LANCL1: variants seen among roughly 807,000 people sequenced by gnomAD.
LANCL1 encodes glutathione S-transferase LANCL1.
In LANCL1, 50 loss-of-function variants were observed where a neutral mutation model predicts 50.6. That is an observed-to-expected ratio of 0.99 (90% CI 0.79 to 1.25). The LOEUF (loss-of-function observed/expected upper bound fraction) is 1.25. LANCL1 is among the 50% of genes most tolerant of loss of function. The probability of loss-of-function intolerance (pLI) is 0.00; values close to 1 mark genes in which losing one functional copy is unlikely to be tolerated. For missense variants in LANCL1, 532 were observed against 480.7 expected, an observed-to-expected ratio of 1.11 and a Z score of -1.00; for synonymous variants, 188 against 178.6, an observed-to-expected ratio of 1.05 and a Z score of -0.42.
chr2:210,474,135 C>T (rs180818777), intron 2 of LANCL1, among the ~76,000 whole-genome samples: 1 of 152,356 alleles, frequency 6.6e-6, no homozygotes, highest in Non-Finnish European at 1.5e-5. Context: ...ACCACCAAAT[C>T]ATTCAAACTC....
chr2:210,460,874 A>T (rs1453739870), intron 3 of LANCL1: 3 of 152,222 alleles, frequency 2.0e-5, no homozygotes, highest in Non-Finnish European at 4.4e-5. Flanking sequence ...TAAAGAGGGC[A>T]AATAAGTACT....
chr2:210,436,220 C>T lies in LANCL1; in HGVS notation c.1046G>A (p.Cys349Tyr). ...TQDMKYLYRA[C>Y]KFAEWCLEYG... ...TTTGGTGGTTCTGACTCCTACCTTA[C>T]AGGCCCTATACAGGTACTTCATGTC... The change falls in exon 8 of 10, where the codon TGT becomes TAT. Residue 349 changes from cysteine to tyrosine, a missense_variant. Transcript: ENST00000450366. The T allele has an allele frequency of 6.2e-7, 1 of 1,613,522 alleles. No homozygotes were observed. Among genetic ancestry groups the T allele is most frequent in the Non-Finnish European group, 8.5e-7 (1 of 1,179,648 alleles).
Position 210,437,713 on chromosome 2 carries a change from A to T in LANCL1, c.850T>A (p.Tyr284Asn). 6.2e-7 allele frequency: 1 copy of T among 1,606,284 alleles called. No homozygotes were observed. The highest frequency in any genetic ancestry group is 8.5e-7 in the Non-Finnish European group (1 of 1,176,716). ...ACCTTATAGGCCTGGATGAGCATGT[A>T]GATTACCCCAGGGGCGCCATGGCAC... ...HWCHGAPGVI[Y>N]MLIQAYKVFR... is the part of the protein sequence containing the mutation. The change falls in exon 7 of 10, where the codon TAC becomes AAC. Residue 284 changes from tyrosine (Y) to asparagine (N), a missense_variant. Physicochemically the swap from Tyr to Asn is moderately radical, Grantham distance 143. Coordinates refer to ENST00000450366, the MANE Select transcript of LANCL1 (RefSeq NM_006055.3).
intron 4 of LANCL1, chr2:210,442,594 C>CT (rs1317024037): frequency 6.6e-6 from 1 of 152,178 alleles, no homozygotes; most frequent in Non-Finnish European, 1.5e-5. Flanking sequence ...AAATGTGGCT[C>CT]TAAAACCTGG....
intron 6 of LANCL1, among the ~76,000 whole-genome samples, chr2:210,438,546 A>T (rs1033102642): frequency 1.3e-5 from 2 of 152,250 alleles, no homozygotes; most frequent in African/African-American, 2.4e-5. Context: ...TGGTTTCAAT[A>T]TATAAAACAA....
rs2105880373 is a variant in LANCL1 at position 210,434,519 on chromosome 2, TG to T, written c.1167del (p.Thr390GlnfsTer22). On this transcript the variant is annotated frameshift_variant, in exon 10 of 10. Transcript: ENST00000450366. LOFTEE classifies it high-confidence loss of function. Reference protein sequence around the residue: ...TIYFLADLLVPTKARFPAFEL With the variant: ...TIYFLADLLVXTKARFPAFEL ...TCAAATGCAGGGAACCTGGCTTTTG[TG>T]GGGACTAGCAGGTCAGCCAGGAAAT... The T allele has an allele frequency of 1.2e-6, 2 of 1,613,396 alleles. No individual in the cohort carries two copies. The highest frequency in any genetic ancestry group is 1.7e-5 in the Admixed American group (1 of 59,900).
intron 7 of LANCL1, among the ~76,000 whole-genome samples, chr2:210,437,096 T>C (rs1417793337): frequency 6.6e-6 from 1 of 152,210 alleles, no homozygotes; most frequent in Non-Finnish European, 1.5e-5. Flanking sequence ...TCTTTTTTTT[T>C]CTCAACTAAA....
chr2:210,434,672 T>A, intron 9 of LANCL1, 109 bp from the exon 10 acceptor site: 1 of 856,538 alleles, frequency 1.2e-6, no homozygotes, highest in Non-Finnish European at 1.9e-6. Context: ...AGCATTTCAG[T>A]CTATTCAAAC....
intron 5 of LANCL1, 110 bp downstream of exon 5, chr2:210,441,198 A>G (rs1267644693): frequency 1.8e-6 from 2 of 1,108,514 alleles, no homozygotes; most frequent in Non-Finnish European, 2.6e-6. Flanking sequence ...GTCCAGATAC[A>G]CCTTCCTTTA....
In LANCL1 at chr2:210,455,147, T is replaced by C. The variant is rs1693625579; in HGVS notation, c.367A>G (p.Lys123Glu). 3.7e-6 allele frequency: 6 copies of C among 1,613,780 alleles called. No homozygotes were observed. The highest frequency in any genetic ancestry group is 5.1e-6 in the Non-Finnish European group (6 of 1,179,732). Reference protein sequence around the residue: ...PLAVAAVLYHKMNNEKQAEDC... With the variant: ...PLAVAAVLYHEMNNEKQAEDC... ...TCTGCCTGCTTCTCATTGTTCATCT[T>C]GTGATATAGCACAGCGGCCACTGCC... The change falls in exon 4 of 10, where the codon AAG (lysine) becomes GAG (glutamate). Residue 123 changes from lysine to glutamate, a missense_variant. By Grantham distance (56) the Lys-to-Glu change is moderately conservative. Transcript: ENST00000450366.
At chr2:210,451,757 T>C (rs1386515327) in intron 4 of LANCL1, among the ~76,000 whole-genome samples, 1 of 152,114 alleles carries the variant, frequency 6.6e-6, no homozygotes, top group Non-Finnish European at 1.5e-5. Flanking sequence ...CCAGGCTTCC[T>C]TCTCCAGAAC....
chr2:210,446,664 G>A (rs149725328), intron 4 of LANCL1, among the ~76,000 whole-genome samples: 32 of 151,884 alleles, frequency 2.1e-4, no homozygotes, highest in African/African-American at 7.0e-4. Context: ...GAACATAAAC[G>A]ACCTGATGGA....
At chr2:210,445,101 T>A (rs1485448014) in intron 4 of LANCL1, among the ~76,000 whole-genome samples, 1 of 152,046 alleles carries the variant, frequency 6.6e-6, no homozygotes, top group African/African-American at 2.4e-5. Context: ...TATATAGAAG[T>A]TCAATATAAA....
chr2:210,447,347 T>C (rs1693374727), intron 4 of LANCL1, among the ~76,000 whole-genome samples: 1 of 152,172 alleles, frequency 6.6e-6, no homozygotes, highest in African/African-American at 2.4e-5. Context: ...CAAGAGCTCC[T>C]GAAGGAAGCA....
chr2:210,457,610 T>C (rs1408905790), intron 3 of LANCL1, among the ~76,000 whole-genome samples: 1 of 152,142 alleles, frequency 6.6e-6, no homozygotes, highest in African/African-American at 2.4e-5. Context: ...TATATGTTCT[T>C]CATGGAAAAA....
At chr2:210,450,552 C>T (rs1693482544) in intron 4 of LANCL1, among the ~76,000 whole-genome samples, 1 of 152,130 alleles carries the variant, frequency 6.6e-6, no homozygotes, top group Non-Finnish European at 1.5e-5. Context: ...TCAGAGTGAA[C>T]ATGCAACCTA....
intron 4 of LANCL1, among the ~76,000 whole-genome samples, chr2:210,450,096 T>A (rs930616019): frequency 1.8e-4 from 27 of 152,240 alleles, no homozygotes; most frequent in African/African-American, 6.5e-4. Flanking sequence ...CAAACTATAC[T>A]ACAAGGGTCC....
At chr2:210,434,589 T>C (rs1692854200) in intron 9 of LANCL1, 26 bp from the exon 10 acceptor site, 1 of 1,567,812 alleles carries the variant, frequency 6.4e-7, no homozygotes, top group African/African-American at 1.4e-5. Flanking sequence ...GAGGCAAAAG[T>C]TATTATACCA....
At chr2:210,451,294 A>AG (rs1170895634) in intron 4 of LANCL1, among the ~76,000 whole-genome samples, 1 of 150,268 alleles carries the variant, frequency 6.7e-6, no homozygotes, top group Non-Finnish European at 1.5e-5. Flanking sequence ...GGACACGGGG[A>AG]GGGGAACATC....
Sources: allele counts gnomAD v4.1 joint callset (sites outside exome capture counted in the v4.1 genomes callset), GRCh38; gene constraint gnomAD v4.1.1; transcripts MANE v1.5; gene names NCBI Gene and HGNC (gene_info 2026-07-23, HGNC 2026-07-21).